Variants in GNG2 observed in about 807,000 individuals in gnomAD.
GNG2 encodes G protein subunit gamma 2, also known as guanine nucleotide-binding protein G(I)/G(S)/G(O) subunit gamma-2.
A neutral mutation model predicts 5.5 loss-of-function variants in GNG2; 5 were observed. That is an observed-to-expected ratio of 0.91 (90% CI 0.48 to 1.92). The LOEUF (loss-of-function observed/expected upper bound fraction) is 1.92. Ranked by LOEUF, GNG2 falls within the 30% of genes most tolerant of loss-of-function variation. GNG2 has a pLI of 0.01. For synonymous variants in GNG2, 28 were observed against 32.0 expected (o/e 0.88, Z 0.42); for missense variants, 55 against 88.4 (o/e 0.62, Z 1.52).
intron 2 of GNG2, among the ~76,000 whole-genome samples, chr14:51,906,127 A>G (rs142124120): frequency 6.6e-6 from 1 of 152,370 alleles, no homozygotes; most frequent in Admixed American, 6.5e-5. Flanking sequence ...TTTATTGCAC[A>G]GAAGTTGCTA....
chr14:51,828,741 C>A (rs1881101048), intron 2 of GNG2, among the ~76,000 whole-genome samples: 1 of 152,106 alleles, frequency 6.6e-6, no homozygotes, highest in East Asian at 1.9e-4. Flanking sequence ...TTGTTTCTGA[C>A]TCTGCTATTT....
chr14:51,964,818 A>G (rs1424982707), intron 3 of GNG2, among the ~76,000 whole-genome samples: 1 of 152,158 alleles, frequency 6.6e-6, no homozygotes, highest in Non-Finnish European at 1.5e-5. Context: ...CAAGACCAGC[A>G]TGGGCAAAAT....
intron 2 of GNG2, among the ~76,000 whole-genome samples, chr14:51,880,967 G>GAAAAAAAAAAAAAAAAAA (rs11463019): frequency 2.0e-5 from 2 of 101,982 alleles, no homozygotes; most frequent in African/African-American, 3.8e-5. Context: ...CAAAAAAAAA[G>GAAAAAAAAAAAAAAAAAA]AAAAAAAAAA....
At chr14:51,906,180 C>T (rs1212880711) in intron 2 of GNG2, among the ~76,000 whole-genome samples, 3 of 152,252 alleles carry the variant, frequency 2.0e-5, no homozygotes, top group African/African-American at 4.8e-5. Flanking sequence ...TTACTCTCTG[C>T]CTTTCCTACC....
At position 51,966,703 on chromosome 14, in the gene GNG2, C is replaced by T. The variant is rs775384692; in HGVS notation, c.*16C>T. 5 of 1,611,710 alleles carry T rather than the reference C, an allele frequency of 3.1e-6. No homozygotes were observed. Among genetic ancestry groups the T allele is most frequent in the East Asian group, 2.2e-5 (1 of 44,854 alleles). On this transcript the variant is annotated 3_prime_UTR_variant, in exon 4 of 4. Coordinates refer to ENST00000556766, the MANE Select transcript of GNG2 (RefSeq NM_053064.5). ...CATCCTTTAAGTCTTTGAGAGGGGCCTGAAGAGCCTCCGGGCTCCTGGGAC... is the reference window on the plus strand; with the variant it reads ...CATCCTTTAAGTCTTTGAGAGGGGCTTGAAGAGCCTCCGGGCTCCTGGGAC...
At position 51,903,038 on chromosome 14, in the gene GNG2, A is replaced by G. The variant is rs150436568; in HGVS notation, c.-30+25381A>G. 2.0e-4 allele frequency among the ~76,000 whole-genome samples: 31 copies of G among 152,364 alleles called. No homozygotes were observed. The East Asian group carries it at 3.7e-3, about 18-fold the overall frequency. ...CAATCAGGGATACTTACTTTCTTCAACCTGTTTGGGGTATTTATCCTCAGG... is the reference window on the plus strand; with the variant it reads ...CAATCAGGGATACTTACTTTCTTCAGCCTGTTTGGGGTATTTATCCTCAGG... On this transcript the variant is annotated intron_variant, in intron 2 of 3. Coordinates refer to ENST00000556766, the MANE Select transcript of GNG2 (RefSeq NM_053064.5).
At chr14:51,913,528 T>C (rs969583296) in intron 2 of GNG2, among the ~76,000 whole-genome samples, 1 of 151,834 alleles carries the variant, frequency 6.6e-6, no homozygotes, top group Non-Finnish European at 1.5e-5. Context: ...AATAAACAAA[T>C]AAGTTTATGG....
At chr14:51,834,985 A>G (rs12890046) in intron 2 of GNG2, among the ~76,000 whole-genome samples, 75,768 of 152,088 alleles carry the variant, frequency 0.5, 19,497 homozygotes, top group Middle Eastern at 0.57. Context: ...GGGCTCTAAA[A>G]GTCAGCAGAG....
chr14:51,880,145 T>C (rs1883945222), intron 2 of GNG2, among the ~76,000 whole-genome samples: 1 of 152,208 alleles, frequency 6.6e-6, no homozygotes, highest in South Asian at 2.1e-4. Context: ...CAATGGCTCC[T>C]TTCTTGCCCA....
chr14:51,914,349 C>T (rs1886479290), intron 2 of GNG2: 1 of 697,730 alleles, frequency 1.4e-6, no homozygotes, highest in Non-Finnish European at 2.6e-6. Flanking sequence ...AAACACAGGC[C>T]ACAGTAACCA....
At chr14:51,827,366 A>G (rs887074401) in intron 1 of GNG2, among the ~76,000 whole-genome samples, 1 of 152,064 alleles carries the variant, frequency 6.6e-6, no homozygotes, top group African/African-American at 2.4e-5. Flanking sequence ...CTTGAGCTCT[A>G]CTCCAGGCTT....
intron 2 of GNG2, among the ~76,000 whole-genome samples, chr14:51,909,603 T>C (rs1019526164): frequency 2.0e-5 from 3 of 152,200 alleles, no homozygotes; most frequent in African/African-American, 4.8e-5. Flanking sequence ...AGGGATTGCA[T>C]AAAGGACCCC....
At chr14:51,927,756 C>CAATT (rs1310234302) in intron 2 of GNG2, among the ~76,000 whole-genome samples, 1 of 152,162 alleles carries the variant, frequency 6.6e-6, no homozygotes, top group East Asian at 1.9e-4. Flanking sequence ...GATTTCTGTT[C>CAATT]AATTGCCCAG....
At position 51,969,609 on chromosome 14, in the gene GNG2, G is replaced by T. The variant is rs1250781135; in HGVS notation, c.*2922G>T. On this transcript the variant is annotated 3_prime_UTR_variant, in exon 4 of 4. Transcript: ENST00000556766. ...TAGCTGCTCTTGGCAATGATGAATT[G>T]TTATGTATGCATTAATGTTTTGCAG... 6.6e-6 allele frequency: 1 copy of T among 152,144 alleles called. No individual in the cohort carries two copies. Among genetic ancestry groups the T allele is most frequent in the Non-Finnish European group, 1.5e-5 (1 of 68,036 alleles). 9.4% of individuals were successfully genotyped at this position (152,144 alleles called of 1,614,324 possible).
intron 2 of GNG2, among the ~76,000 whole-genome samples, chr14:51,840,388 G>A (rs1881449188): frequency 6.6e-6 from 1 of 152,174 alleles, no homozygotes; most frequent in Non-Finnish European, 1.5e-5. Flanking sequence ...AGAATCCAAA[G>A]TAGCTCCTTG....
At chr14:51,877,859 A>C (rs1883777882) in intron 2 of GNG2, 1 of 258,960 alleles carries the variant, frequency 3.9e-6, no homozygotes, top group Admixed American at 4.9e-5. Flanking sequence ...ATTGATTTTC[A>C]TCCAGAATTT....
chr14:51,909,934 G>A (rs1886193738), intron 2 of GNG2, among the ~76,000 whole-genome samples: 1 of 152,130 alleles, frequency 6.6e-6, no homozygotes, highest in African/African-American at 2.4e-5. Flanking sequence ...CATACAAACT[G>A]AGAAAAGAAA....
At chr14:51,950,439 A>G (rs1888905602) in intron 2 of GNG2, among the ~76,000 whole-genome samples, 2 of 152,132 alleles carry the variant, frequency 1.3e-5, no homozygotes. Context: ...CTCTCTAAAG[A>G]AGGGATGGGG....
At chr14:51,931,737 G>C (rs1253699) in intron 2 of GNG2, among the ~76,000 whole-genome samples, 86,073 of 152,026 alleles carry the variant, frequency 0.57, 24,842 homozygotes, top group African/African-American at 0.66. Flanking sequence ...CTGCTGGTGA[G>C]AACGTAAAAT....
Sources: allele counts gnomAD v4.1 joint callset (sites outside exome capture counted in the v4.1 genomes callset), GRCh38; gene constraint gnomAD v4.1.1; transcripts MANE v1.5; gene names NCBI Gene and HGNC (gene_info 2026-07-23, HGNC 2026-07-21).